WWOX: variants seen among roughly 807,000 people sequenced by gnomAD.
WWOX encodes the protein WW domain-containing oxidoreductase.
In WWOX, 69 loss-of-function variants were observed where a neutral mutation model predicts 46.2. The ratio of observed to expected loss-of-function variants is 1.49; its 90% CI spans 1.23 to 1.82. WWOX has a LOEUF of 1.82. WWOX is among the 40% of genes most tolerant of loss of function. WWOX has a pLI of 0.00. For synonymous variants in WWOX, 359 were observed against 202.6 expected (o/e 1.77, Z -6.56); for missense variants, 919 against 542.6 (o/e 1.69, Z -6.89).
chr16:78,605,361 T>TA (rs79605842), intron 8 of WWOX, among the ~76,000 whole-genome samples: 292 of 145,056 alleles, frequency 2.0e-3, no homozygotes, highest in African/African-American at 2.6e-3. Context: ...CTTAAGTCCT[T>TA]AAAAAAAAAA....
At chr16:78,314,721 T>TTTTTTTTTTTTTTC (rs2080326947) in intron 5 of WWOX, among the ~76,000 whole-genome samples, 10 of 128,360 alleles carry the variant, frequency 7.8e-5, no homozygotes, top group African/African-American at 3.0e-4. Flanking sequence ...TTTTTTTTTT[T>TTTTTTTTTTTTTTC]CTGTATTTTC....
At chr16:78,689,780 C>T (rs2047943854) in intron 8 of WWOX, among the ~76,000 whole-genome samples, 1 of 152,190 alleles carries the variant, frequency 6.6e-6, no homozygotes, top group Non-Finnish European at 1.5e-5. Context: ...ATTGCAACAG[C>T]CTTGACCCCT....
intron 8 of WWOX, among the ~76,000 whole-genome samples, chr16:79,088,258 A>C (rs905973957): frequency 1.3e-5 from 2 of 152,104 alleles, no homozygotes; most frequent in African/African-American, 4.8e-5. Flanking sequence ...CAGCCTGTGG[A>C]TGGGACGTTT....
intron 8 of WWOX, among the ~76,000 whole-genome samples, chr16:79,200,136 T>C (rs2051318021): frequency 6.6e-6 from 1 of 152,140 alleles, no homozygotes. Context: ...GGAGGCACCA[T>C]AGACCCCTTC....
intron 8 of WWOX, among the ~76,000 whole-genome samples, chr16:78,984,652 A>T (rs1277942566): frequency 6.6e-6 from 1 of 152,238 alleles, no homozygotes; most frequent in Non-Finnish European, 1.5e-5. Context: ...GTTGATTGGA[A>T]CAACATACAA....
chr16:79,044,035 A>T (rs933287560), intron 8 of WWOX, among the ~76,000 whole-genome samples: 21 of 152,330 alleles, frequency 1.4e-4, no homozygotes, highest in African/African-American at 4.8e-4. Flanking sequence ...TAGAGCCAGG[A>T]AGAGGCTTCG....
chr16:78,791,590 C>G (rs1173775025), intron 8 of WWOX, among the ~76,000 whole-genome samples: 2 of 152,008 alleles, frequency 1.3e-5, no homozygotes, highest in Non-Finnish European at 2.9e-5. Flanking sequence ...CTGAGGCAAA[C>G]AGAAGGGCTG....
chr16:78,522,044 T>C (rs1445948500), intron 8 of WWOX, among the ~76,000 whole-genome samples: 4 of 151,418 alleles, frequency 2.6e-5, no homozygotes, highest in Non-Finnish European at 4.4e-5. Context: ...TTGTAGTAAG[T>C]GGGAGAGCTG....
At chr16:79,054,516 A>C (rs998969630) in intron 8 of WWOX, among the ~76,000 whole-genome samples, 6 of 152,154 alleles carry the variant, frequency 3.9e-5, no homozygotes, top group African/African-American at 7.2e-5. Context: ...TCTGGAACTA[A>C]TTACAGATTT....
chr16:78,656,754 C>T (rs2047090184), intron 8 of WWOX, among the ~76,000 whole-genome samples: 1 of 152,200 alleles, frequency 6.6e-6, no homozygotes, highest in Non-Finnish European at 1.5e-5. Flanking sequence ...TCCTGGCTCT[C>T]CTTACAAGGG....
rs151003637 is a variant in WWOX at position 78,101,368 on chromosome 16, A to G, written c.107+1483A>G. ...GGCCTTTTTTTTTTTTTTTTTAAAG[A>G]CAGGGTCTCGCTCCGTCGCCCAAAC... is the stretch of plus-strand genomic sequence containing the variant. On this transcript the variant is annotated intron_variant, in intron 1 of 8. Coordinates refer to ENST00000566780, the MANE Select transcript of WWOX (RefSeq NM_016373.4). Among the ~76,000 whole-genome samples the G allele has an allele frequency of 4.2e-4, 10 of 23,834 alleles. No individual in the cohort carries two copies. The South Asian group carries it at 0.02, about 48-fold the overall frequency. The allele number at this position is 23,834 out of a possible 152,430, so 15.6% of individuals were successfully genotyped here. A position where few individuals can be genotyped will look rare whatever the true frequency, so the allele number is the denominator to read the frequency against.
intron 8 of WWOX, among the ~76,000 whole-genome samples, chr16:78,784,328 T>A (rs950507834): frequency 7.2e-5 from 11 of 152,158 alleles, no homozygotes; most frequent in African/African-American, 2.7e-4. Context: ...TTTGTGACCC[T>A]GATGAGATTA....
chr16:78,394,628 A>G (rs1330709564), intron 6 of WWOX, among the ~76,000 whole-genome samples: 1 of 152,234 alleles, frequency 6.6e-6, no homozygotes, highest in African/African-American at 2.4e-5. Flanking sequence ...AACTTCTTGT[A>G]AGGGGCCAGA....
At chr16:78,395,753 TTTTTC>T (rs2082270336) in intron 6 of WWOX, among the ~76,000 whole-genome samples, 1 of 70,730 alleles carries the variant, frequency 1.4e-5, no homozygotes, top group South Asian at 9.2e-4. Flanking sequence ...TTTGTTTTGT[TTTTTC>T]TTTTTCTTTT....
intron 8 of WWOX, among the ~76,000 whole-genome samples, chr16:78,494,372 A>G (rs1018328385): frequency 6.6e-6 from 1 of 152,216 alleles, no homozygotes; most frequent in African/African-American, 2.4e-5. Flanking sequence ...GCCAAACCAC[A>G]CTGGAAGGTA....
intron 8 of WWOX, among the ~76,000 whole-genome samples, chr16:78,878,925 G>A (rs1029883178): frequency 7.7e-6 from 1 of 129,970 alleles, no homozygotes; most frequent in Admixed American, 7.9e-5. Flanking sequence ...AAAAAAGCCT[G>A]TCATAGTGGT....
chr16:78,810,962 A>G (rs569672148), intron 8 of WWOX, among the ~76,000 whole-genome samples: 15 of 136,846 alleles, frequency 1.1e-4, no homozygotes, highest in Non-Finnish European at 2.1e-4. Flanking sequence ...TTCCGTGGCC[A>G]GAAGCATATT....
At chr16:78,410,227 C>T (rs1364313327) in intron 6 of WWOX, among the ~76,000 whole-genome samples, 2 of 152,230 alleles carry the variant, frequency 1.3e-5, no homozygotes, top group East Asian at 3.8e-4. Context: ...CTTGTAGAGT[C>T]TGCAGAATCG....
chr16:78,531,241 C>T (rs1440328373), intron 8 of WWOX, among the ~76,000 whole-genome samples: 2 of 152,148 alleles, frequency 1.3e-5, no homozygotes, highest in African/African-American at 4.8e-5. Flanking sequence ...GGGAGTCTTT[C>T]TTGAGGGACA....
Sources: allele counts gnomAD v4.1 joint callset (sites outside exome capture counted in the v4.1 genomes callset), GRCh38; gene constraint gnomAD v4.1.1; transcripts MANE v1.5; gene names NCBI Gene and HGNC (gene_info 2026-07-23, HGNC 2026-07-21).